RHOBTB1: variants seen among roughly 807,000 people sequenced by gnomAD.
RHOBTB1 encodes rho-related BTB domain-containing protein 1.
Under a neutral mutation model 71.6 loss-of-function variants are expected in RHOBTB1, and 40 were observed. That is an observed-to-expected ratio of 0.56 (90% CI 0.43 to 0.73). RHOBTB1 has a LOEUF of 0.73. Among genes scored for constraint, RHOBTB1 ranks in the 30% least tolerant of loss-of-function variants. RHOBTB1 has a pLI of 0.00. For missense variants in RHOBTB1, 797 were observed against 894.0 expected (o/e 0.89, Z 1.38); for synonymous variants, 319 against 334.9 (o/e 0.95, Z 0.52).
At chr10:60,969,926 C>A (rs754030927) in intron 2 of RHOBTB1, among the ~76,000 whole-genome samples, 4 of 152,048 alleles carry the variant, frequency 2.6e-5, no homozygotes, top group Non-Finnish European at 5.9e-5. Context: ...TGAGAGAAGA[C>A]TATAGGACTT....
In RHOBTB1 at chr10:60,889,153, T is replaced by C. The variant is rs1318670097; in HGVS notation, c.515A>G (p.Glu172Gly). ...TTCCTTTGCTACCTCTCGGCCTTTTTCTGGGGGCAAAATATCCCCTCTCTT... is the reference window on the plus strand; with the variant it reads ...TTCCTTTGCTACCTCTCGGCCTTTTCCTGGGGGCAAAATATCCCCTCTCTT... ...PIKRGDILPPEKGREVAKELG... is the reference protein window; with the variant it reads ...PIKRGDILPPGKGREVAKELG... Residue 172 changes from glutamate (E) to glycine (G), a missense_variant, in exon 6 of 11, where the codon GAA (glutamate) becomes GGA (glycine). This residue lies in a region of RHOBTB1 where 658 missense variants were observed against 681.5 expected (regional missense o/e 0.97). Coordinates refer to ENST00000337910, the MANE Select transcript of RHOBTB1 (RefSeq NM_014836.5). 6.2e-7 allele frequency: 1 copy of C among 1,612,684 alleles called. No individual in the cohort carries two copies. Among genetic ancestry groups the C allele is most frequent in the Non-Finnish European group, 8.5e-7 (1 of 1,179,272 alleles).
At chr10:60,909,017 G>C (rs2082827912) in intron 4 of RHOBTB1, among the ~76,000 whole-genome samples, 1 of 152,184 alleles carries the variant, frequency 6.6e-6, no homozygotes, top group Non-Finnish European at 1.5e-5. Flanking sequence ...TACAGACAAG[G>C]GAGCAGAACA....
chr10:60,958,844 T>C (rs901690754), intron 2 of RHOBTB1, among the ~76,000 whole-genome samples: 9 of 152,062 alleles, frequency 5.9e-5, no homozygotes, highest in African/African-American at 2.2e-4. Context: ...CAAGTGATCC[T>C]CCTGCCTAGG....
Position 60,943,855 on chromosome 10 carries a change from T to G in RHOBTB1, c.-62+116A>C, listed in dbSNP as rs567457917. 4.4e-3 allele frequency: 664 copies of G among 152,214 alleles called. 2 individuals are homozygous for G. The highest frequency in any genetic ancestry group is 7.3e-3 in the Non-Finnish European group (499 of 68,070). 9.4% of individuals were successfully genotyped at this position (152,214 alleles called of 1,614,324 possible). A position where few individuals can be genotyped will look rare whatever the true frequency, so the allele number is the denominator to read the frequency against. On this transcript the variant is annotated intron_variant, in intron 1 of 10. Coordinates refer to ENST00000337910, the MANE Select transcript of RHOBTB1 (RefSeq NM_014836.5). The stretch of plus-strand genomic sequence containing the variant: ...ACTCTCTCTCGGGGCGCTGCTGGCC[T>G]CGTGGCACGGCCCAGGGCCCCCACT...
chr10:60,991,755 G>A (rs573840906), intron 1 of RHOBTB1, among the ~76,000 whole-genome samples: 1 of 152,202 alleles, frequency 6.6e-6, no homozygotes, highest in Admixed American at 6.5e-5. Context: ...CATGCTGCCT[G>A]TTCTGTCTCC....
chr10:60,981,395 C>G (rs1019897279), intron 2 of RHOBTB1, among the ~76,000 whole-genome samples: 9 of 152,124 alleles, frequency 5.9e-5, no homozygotes, highest in African/African-American at 1.9e-4. Flanking sequence ...AAATTTATGC[C>G]TGTTAAACAG....
At chr10:60,943,738 G>A (rs1171864440) in intron 1 of RHOBTB1, among the ~76,000 whole-genome samples, 2 of 151,978 alleles carry the variant, frequency 1.3e-5, no homozygotes, top group African/African-American at 4.8e-5. Context: ...CTGTGCGGGC[G>A]CTCCTAGAAA....
intron 2 of RHOBTB1, among the ~76,000 whole-genome samples, chr10:60,918,112 G>A (rs1287309497): frequency 1.3e-5 from 2 of 152,064 alleles, no homozygotes; most frequent in Non-Finnish European, 2.9e-5. Flanking sequence ...AAGTGTTTGT[G>A]GGGCATAGCT....
chr10:60,881,020 G>A (rs1292371923), intron 7 of RHOBTB1, among the ~76,000 whole-genome samples: 3 of 151,476 alleles, frequency 2.0e-5, no homozygotes, highest in East Asian at 1.9e-4. Flanking sequence ...TAATTCCCAC[G>A]TGTTGTGGGA....
intron 4 of RHOBTB1, among the ~76,000 whole-genome samples, chr10:60,896,768 A>G (rs1239526549): frequency 6.6e-6 from 1 of 152,198 alleles, no homozygotes; most frequent in African/African-American, 2.4e-5. Flanking sequence ...GGGTACTAAG[A>G]CATCAAATAA....
intron 1 of RHOBTB1, among the ~76,000 whole-genome samples, chr10:60,996,747 T>A (rs975238591): frequency 3.3e-5 from 5 of 152,182 alleles, no homozygotes; most frequent in Admixed American, 3.3e-4. Flanking sequence ...AATGCCAGAT[T>A]TAGCAAATAA....
chr10:60,973,289 C>G (rs1226544337), intron 2 of RHOBTB1, among the ~76,000 whole-genome samples: 1 of 152,006 alleles, frequency 6.6e-6, no homozygotes, highest in Non-Finnish European at 1.5e-5. Flanking sequence ...ATGTTACAAG[C>G]TAAGATTATT....
At position 60,964,817 on chromosome 10, in the gene RHOBTB1, A is replaced by G. The variant is rs117467631; in HGVS notation, c.-62+21028T>C. ...GAAGCTTCAATAATTTCAAGTGGAGAGCAAAGATCAACTTGTGATTTTTAC... is the reference window on the plus strand; with the variant it reads ...GAAGCTTCAATAATTTCAAGTGGAGGGCAAAGATCAACTTGTGATTTTTAC... On this transcript the variant is annotated intron_variant, in intron 2 of 11. Transcript: ENST00000357917. 8.8e-3 allele frequency among the ~76,000 whole-genome samples: 1,347 copies of G among 152,220 alleles called. 8 individuals are homozygous for G. Among genetic ancestry groups the G allele is most frequent in the Non-Finnish European group, 0.016 (1,077 of 67,976 alleles).
chr10:60,935,364 G>A (rs929385672), intron 2 of RHOBTB1, among the ~76,000 whole-genome samples: 5 of 152,128 alleles, frequency 3.3e-5, no homozygotes, highest in Admixed American at 1.3e-4. Context: ...GCTTCTGGGT[G>A]CTGGTAATGT....
chr10:60,941,761 A>G (rs1179979824), intron 2 of RHOBTB1, 43 bp downstream of exon 2: 4 of 152,598 alleles, frequency 2.6e-5, no homozygotes, highest in Admixed American at 2.0e-4. Context: ...TAGACACAGG[A>G]TGTTACCAAT....
chr10:60,920,464 C>G (rs562285740), intron 2 of RHOBTB1, among the ~76,000 whole-genome samples: 149 of 151,930 alleles, frequency 9.8e-4, no homozygotes, highest in African/African-American at 3.5e-3. Flanking sequence ...CTGAAGAGCC[C>G]GAGGGATAGG....
intron 1 of RHOBTB1, among the ~76,000 whole-genome samples, chr10:60,942,859 A>ATTTTTTTT (rs11414207): frequency 1.3e-5 from 2 of 148,320 alleles, no homozygotes; most frequent in African/African-American, 5.0e-5. Context: ...CGATAACGGT[A>ATTTTTTTT]TTTTTTTTTT....
intron 1 of RHOBTB1, among the ~76,000 whole-genome samples, chr10:60,991,431 CTTTTT>C (rs34517890): frequency 1.5e-5 from 2 of 133,970 alleles, no homozygotes; most frequent in Admixed American, 7.6e-5. Flanking sequence ...TCCCTCAGTA[CTTTTT>C]TTTTTTTTTT....
chr10:60,864,561 C>T (rs2080629008), downstream of RHOBTB1, among the ~76,000 whole-genome samples: 1 of 152,112 alleles, frequency 6.6e-6, no homozygotes, highest in Admixed American at 6.5e-5. Context: ...GCAAAAGCAA[C>T]CAGCGGAATA....
Sources: gnomAD v4.1 joint callset for allele counts (sites outside exome capture counted in the v4.1 genomes callset) on GRCh38, gnomAD v4.1.1 for gene constraint, gnomAD v4.1.1 regional missense constraint, MANE v1.5 for transcripts, NCBI Gene and HGNC (gene_info 2026-07-23, HGNC 2026-07-21) for gene names.